The following KCNJ3 variants were observed in gnomAD, a reference collection of about 807,000 sequenced individuals.
KCNJ3 encodes the protein G protein-activated inward rectifier potassium channel 1.
KCNJ3 carries 4 observed loss-of-function variants against 39.2 expected under a neutral mutation model. The ratio of observed to expected loss-of-function variants is 0.10; its 90% CI spans 0.05 to 0.23. The LOEUF (loss-of-function observed/expected upper bound fraction) is 0.23, where lower values mean the gene tolerates loss of function less well. KCNJ3 is among the 10% of genes least tolerant of loss of function. The pLI is 1.00. For missense variants in KCNJ3, 276 were observed against 634.9 expected (o/e 0.43, Z 6.08); for synonymous variants, 230 against 237.4 (o/e 0.97, Z 0.29).
chr2:154,727,575 A>G (rs1412721012), intron 2 of KCNJ3, among the ~76,000 whole-genome samples: 2 of 144,576 alleles, frequency 1.4e-5, no homozygotes, highest in East Asian at 4.1e-4. Flanking sequence ...CCTGGGAAGC[A>G]AGAGCGAAAC....
At chr2:154,767,963 C>G (rs911075159) in intron 2 of KCNJ3, among the ~76,000 whole-genome samples, 1 of 152,132 alleles carries the variant, frequency 6.6e-6, no homozygotes, top group African/African-American at 2.4e-5. Flanking sequence ...TTTCATGTGT[C>G]TGTTGGCTGC....
chr2:154,740,628 C>T (rs1281881646), intron 2 of KCNJ3, among the ~76,000 whole-genome samples: 1 of 151,938 alleles, frequency 6.6e-6, no homozygotes, highest in African/African-American at 2.4e-5. Context: ...AGTCCTCCTG[C>T]TACAGATGGT....
chr2:154,802,942 C>A (rs572708724), intron 2 of KCNJ3, among the ~76,000 whole-genome samples: 1 of 151,984 alleles, frequency 6.6e-6, no homozygotes, highest in South Asian at 2.1e-4. Context: ...AATTAACCTA[C>A]CCACTTTCTA....
At chr2:154,727,556 G>C (rs1382749083) in intron 2 of KCNJ3, among the ~76,000 whole-genome samples, 1 of 133,938 alleles carries the variant, frequency 7.5e-6, no homozygotes, top group Non-Finnish European at 1.5e-5. Context: ...TCGTGCCATT[G>C]CACTCCAACC....
rs116757669 is a variant in KCNJ3, at chr2:154,724,418, C to T, written c.919+14599C>T. Among the ~76,000 whole-genome samples the T allele has an allele frequency of 8.2e-3, 1,243 of 152,034 alleles. 12 individuals carry two copies. The highest frequency in any genetic ancestry group is 0.028 in the African/African-American group (1,162 of 41,496). ...GATAAATTCTGCCCTATTTTTTGAA[C>T]GAAATGCATTTAAACTGATTCAGGT... On this transcript the variant is annotated intron_variant, in intron 2 of 2. Transcript: ENST00000295101.
chr2:154,708,352 G>A (rs1685047825), intron 1 of KCNJ3, among the ~76,000 whole-genome samples: 1 of 152,040 alleles, frequency 6.6e-6, no homozygotes, highest in Non-Finnish European at 1.5e-5. Context: ...ACATTTCTCA[G>A]TGTTTTCAGA....
chr2:154,794,117 T>G, intron 2 of KCNJ3, among the ~76,000 whole-genome samples: 1 of 152,058 alleles, frequency 6.6e-6, no homozygotes, highest in Non-Finnish European at 1.5e-5. Context: ...ATCAGATTAA[T>G]ATATTCTATA....
At chr2:154,746,628 ATATGTATATATG>A (rs1202274973) in intron 2 of KCNJ3, among the ~76,000 whole-genome samples, 3 of 125,330 alleles carry the variant, frequency 2.4e-5, no homozygotes, top group African/African-American at 1.0e-4. Flanking sequence ...ATATATATAT[ATATGTATATATG>A]TGTATATATA....
chr2:154,795,698 C>T (rs543537118), intron 2 of KCNJ3, among the ~76,000 whole-genome samples: 10 of 152,030 alleles, frequency 6.6e-5, no homozygotes, highest in South Asian at 6.2e-4. Context: ...ATAAATTATG[C>T]GTATTTTTAT....
At chr2:154,794,635 A>C (rs1558875800) in intron 2 of KCNJ3, among the ~76,000 whole-genome samples, 2 of 152,052 alleles carry the variant, frequency 1.3e-5, no homozygotes, top group Non-Finnish European at 2.9e-5. Context: ...TTAACTTGCC[A>C]AATGGCATCT....
intron 2 of KCNJ3, among the ~76,000 whole-genome samples, chr2:154,821,696 T>C (rs1687185026): frequency 7.2e-6 from 1 of 139,224 alleles, no homozygotes; most frequent in African/African-American, 2.6e-5. Flanking sequence ...GGCTAGAGTT[T>C]AGTGGTGCGA....
At chr2:154,801,572 T>A (rs757872363) in intron 2 of KCNJ3, among the ~76,000 whole-genome samples, 1 of 151,296 alleles carries the variant, frequency 6.6e-6, no homozygotes, top group Non-Finnish European at 1.5e-5. Flanking sequence ...TCTTTCTTTC[T>A]CTGTCTCTCT....
At chr2:154,743,483 G>C (rs962060728) in intron 2 of KCNJ3, among the ~76,000 whole-genome samples, 1 of 151,560 alleles carries the variant, frequency 6.6e-6, no homozygotes, top group Non-Finnish European at 1.5e-5. Context: ...ATGAAGATGG[G>C]ATGTCTTTCT....
At chr2:154,806,280 A>G (rs1421999376) in intron 2 of KCNJ3, among the ~76,000 whole-genome samples, 1 of 152,120 alleles carries the variant, frequency 6.6e-6, no homozygotes, top group Non-Finnish European at 1.5e-5. Flanking sequence ...GCATCAGCAA[A>G]GTTGTGTCTG....
In KCNJ3 at chr2:154,799,636, A is replaced by G. The variant is rs1319450457; in HGVS notation, c.920-55091A>G. ...GCCACTATCTCCAGACTTAGCATACAGGTCCCTCTTCCAATCTACCATTCC... is the reference window on the plus strand; with the variant it reads ...GCCACTATCTCCAGACTTAGCATACGGGTCCCTCTTCCAATCTACCATTCC... On this transcript the variant is annotated intron_variant, in intron 2 of 2. Transcript: ENST00000295101. 2.6e-5 allele frequency among the ~76,000 whole-genome samples: 4 copies of G among 152,270 alleles called. No homozygotes were observed. In the East Asian group the frequency reaches 7.7e-4, roughly 29 times the overall value.
intron 2 of KCNJ3, among the ~76,000 whole-genome samples, chr2:154,763,596 C>A (rs1046429013): frequency 2.0e-4 from 31 of 152,024 alleles, no homozygotes; most frequent in Admixed American, 1.4e-3. Flanking sequence ...GTTAGAACAC[C>A]AAGAAGCTAG....
At chr2:154,758,652 C>T (rs912676235) in intron 2 of KCNJ3, among the ~76,000 whole-genome samples, 3 of 152,122 alleles carry the variant, frequency 2.0e-5, no homozygotes, top group Admixed American at 2.0e-4. Flanking sequence ...AGATGGGAAA[C>T]CCCATGGATC....
In KCNJ3 at chr2:154,836,241, C is replaced by A. The variant is rs2921444; in HGVS notation, c.920-18486C>A. Among the ~76,000 whole-genome samples, 63 of 82,486 alleles carry A rather than the reference C, an allele frequency of 7.6e-4. 1 individual carries two copies. The highest frequency in any genetic ancestry group is 1.8e-3 in the Admixed American group (13 of 7,222). 54.1% of individuals were successfully genotyped at this position (82,486 alleles called of 152,430 possible). A position where few individuals can be genotyped will look rare whatever the true frequency, so the allele number is the denominator to read the frequency against. On this transcript the variant is annotated intron_variant, in intron 2 of 2. Transcript: ENST00000295101. ...AAACAAAAAAAAACAAAAAAAAAAA[C>A]AAAAAAAAACAACTAGGAGAAAATC...
chr2:154,708,476 A>G (rs936162559), intron 1 of KCNJ3, among the ~76,000 whole-genome samples: 2 of 152,082 alleles, frequency 1.3e-5, no homozygotes, highest in Admixed American at 6.6e-5. Flanking sequence ...TTGTTTTGTT[A>G]TTACATTTGT....
Sources: allele counts gnomAD v4.1 joint callset (sites outside exome capture counted in the v4.1 genomes callset), GRCh38; gene constraint gnomAD v4.1.1; transcripts MANE v1.5; gene names NCBI Gene and HGNC (gene_info 2026-07-23, HGNC 2026-07-21).